The following GRB10 variants were observed in gnomAD, a reference collection of about 807,000 sequenced individuals.
The protein encoded by GRB10 is growth factor receptor bound protein 10.
A neutral mutation model predicts 80.9 loss-of-function variants in GRB10; 20 were observed. The observed-to-expected ratio is 0.25, with a 90% CI of 0.17 to 0.36. GRB10 has a LOEUF of 0.36. GRB10 is among the 10% of genes least tolerant of loss of function. GRB10 has a pLI of 1.00. For synonymous variants in GRB10, 291 were observed against 291.5 expected (o/e 1.00, Z 0.02); for missense variants, 548 against 747.7 (o/e 0.73, Z 3.12).
intron 4 of GRB10, 115 bp downstream of exon 4, chr7:50,732,157 C>A: frequency 1.9e-6 from 2 of 1,036,380 alleles, no homozygotes; most frequent in Middle Eastern, 2.9e-4. Context: ...CCTGCTCCAG[C>A]GTGTCCTAGT....
intron 8 of GRB10, among the ~76,000 whole-genome samples, chr7:50,623,740 G>T (rs1391049415): frequency 6.6e-6 from 1 of 152,160 alleles, no homozygotes; most frequent in Non-Finnish European, 1.5e-5. Context: ...ATTATTAAGG[G>T]ACTGATATTT....
chr7:50,627,000 G>C, intron 7 of GRB10, 22 bp from the exon 8 acceptor site: 1 of 1,613,238 alleles, frequency 6.2e-7, no homozygotes. Flanking sequence ...AAAGGGGATA[G>C]TTACAGATAA....
upstream of GRB10, among the ~76,000 whole-genome samples, chr7:50,787,180 G>A (rs1027411837): frequency 3.9e-5 from 6 of 152,170 alleles, no homozygotes; most frequent in African/African-American, 1.4e-4. Context: ...AAGAGTGAGT[G>A]TAGGGTGGGG....
At chr7:50,734,786 A>G (rs1306447357) in intron 3 of GRB10, among the ~76,000 whole-genome samples, 5 of 152,186 alleles carry the variant, frequency 3.3e-5, no homozygotes, top group Non-Finnish European at 7.3e-5. Context: ...ATAGTTAGAT[A>G]CAGTAAGAGG....
chr7:50,737,473 G>A (rs1032481506), intron 3 of GRB10, among the ~76,000 whole-genome samples: 39 of 152,308 alleles, frequency 2.6e-4, no homozygotes, highest in African/African-American at 7.9e-4. Flanking sequence ...TACAGCCTGC[G>A]GAACTGTGAG....
At chr7:50,627,306 A>C (rs2153591824) in intron 7 of GRB10, among the ~76,000 whole-genome samples, 1 of 152,302 alleles carries the variant, frequency 6.6e-6, no homozygotes, top group East Asian at 1.9e-4. Flanking sequence ...ATTCATTTAA[A>C]ATACGCTGGT....
At chr7:50,604,466 G>A in intron 15 of GRB10, 89 bp from the exon 16 acceptor site, 1 of 1,108,982 alleles carries the variant, frequency 9.0e-7, no homozygotes, top group Non-Finnish European at 1.4e-6. Context: ...AGGCCACTGG[G>A]TGGGGTGCCT....
chr7:50,693,726 A>T (rs1222229684), intron 5 of GRB10, among the ~76,000 whole-genome samples: 1 of 152,102 alleles, frequency 6.6e-6, no homozygotes, highest in African/African-American at 2.4e-5. Flanking sequence ...AGGCATGATG[A>T]ATGTGTGTGC....
intron 7 of GRB10, among the ~76,000 whole-genome samples, chr7:50,644,845 T>G (rs1421493979): frequency 6.6e-6 from 1 of 152,092 alleles, no homozygotes; most frequent in African/African-American, 2.4e-5. Context: ...GACAGAACAA[T>G]GACAGACAGG....
chr7:50,648,672 C>G (rs2057590187), intron 7 of GRB10, among the ~76,000 whole-genome samples: 1 of 152,156 alleles, frequency 6.6e-6, no homozygotes, highest in Admixed American at 6.5e-5. Context: ...ACAGCTACTC[C>G]CTCTGGGCTT....
At chr7:50,742,127 T>C (rs934662311) in intron 3 of GRB10, among the ~76,000 whole-genome samples, 1 of 152,056 alleles carries the variant, frequency 6.6e-6, no homozygotes, top group Non-Finnish European at 1.5e-5. Context: ...AGAAAGTGAA[T>C]GGACTTGGAT....
chr7:50,720,440 C>T (rs764906744), intron 4 of GRB10, among the ~76,000 whole-genome samples: 10 of 152,058 alleles, frequency 6.6e-5, no homozygotes, highest in African/African-American at 1.4e-4. Flanking sequence ...CCCCCTTTGT[C>T]GAGACTCATA....
intron 7 of GRB10, among the ~76,000 whole-genome samples, chr7:50,650,206 G>A (rs1180939739): frequency 6.6e-6 from 1 of 152,228 alleles, no homozygotes; most frequent in Non-Finnish European, 1.5e-5. Flanking sequence ...TCAAAGCTGT[G>A]TCACATGCTG....
At chr7:50,723,905 G>A (rs1179321350) in intron 4 of GRB10, among the ~76,000 whole-genome samples, 6 of 152,230 alleles carry the variant, frequency 3.9e-5, no homozygotes, top group African/African-American at 1.4e-4. Flanking sequence ...GAGCTACAGA[G>A]GGACCCACAG....
chr7:50,781,692 T>C lies in GRB10; in HGVS notation c.-327+732A>G, dbSNP rs1011836437. On this transcript the variant is annotated intron_variant, in intron 1 of 18. Transcript: ENST00000401949. Reference sequence around the variant, plus strand: ...AGGGACTGTACCATCAACAGACAAATGGCAGCCGACCAAGGAGGCGACTGG... The same window carrying C: ...AGGGACTGTACCATCAACAGACAAACGGCAGCCGACCAAGGAGGCGACTGG... 3.9e-5 allele frequency among the ~76,000 whole-genome samples: 6 copies of C among 152,220 alleles called. 1 individual carries two copies. The East Asian group carries it at 7.7e-4, about 20-fold the overall frequency.
At chr7:50,757,834 T>C (rs1026669793) in intron 2 of GRB10, among the ~76,000 whole-genome samples, 7 of 152,182 alleles carry the variant, frequency 4.6e-5, no homozygotes, top group African/African-American at 1.7e-4. Flanking sequence ...CCTAATCTTT[T>C]CCCCAATTCT....
intron 8 of GRB10, among the ~76,000 whole-genome samples, chr7:50,622,019 C>G (rs2051861484): frequency 6.6e-6 from 1 of 152,224 alleles, no homozygotes; most frequent in African/African-American, 2.4e-5. Flanking sequence ...GCTGTGCACC[C>G]CACTGTCTCG....
chr7:50,783,521 CCACA>C (rs563887300), upstream of GRB10, among the ~76,000 whole-genome samples: 4 of 151,144 alleles, frequency 2.6e-5, no homozygotes, highest in East Asian at 5.9e-4. Context: ...CACACATACA[CCACA>C]CACACACATC....
chr7:50,636,088 C>T (rs1345213170), intron 7 of GRB10, among the ~76,000 whole-genome samples: 3 of 149,256 alleles, frequency 2.0e-5, no homozygotes, highest in Non-Finnish European at 4.4e-5. Flanking sequence ...AGTGATTCTT[C>T]TGCCTCAGCC....
Sources: gnomAD v4.1 joint callset for allele counts (sites outside exome capture counted in the v4.1 genomes callset) on GRCh38, gnomAD v4.1.1 for gene constraint, MANE v1.5 for transcripts, NCBI Gene and HGNC (gene_info 2026-07-23, HGNC 2026-07-21) for gene names.